The following DPP10 variants were observed in gnomAD, a reference collection of about 807,000 sequenced individuals.
The protein encoded by DPP10 is dipeptidyl peptidase like 10.
In DPP10, 33 loss-of-function variants were observed where a neutral mutation model predicts 120.9. The observed-to-expected ratio is 0.27, with a 90% CI of 0.21 to 0.37. DPP10 has a LOEUF of 0.37. Among genes scored for constraint, DPP10 ranks in the 10% least tolerant of loss-of-function variants. DPP10 has a pLI of 1.00. For synonymous variants in DPP10, 337 were observed against 326.1 expected (o/e 1.03, Z -0.36); for missense variants, 816 against 942.8 (o/e 0.87, Z 1.76).
intron 1 of DPP10, among the ~76,000 whole-genome samples, chr2:114,890,578 A>T (rs1692460641): frequency 6.6e-6 from 1 of 152,198 alleles, no homozygotes; most frequent in Non-Finnish European, 1.5e-5. Context: ...AATAGACTAG[A>T]ATTAGGCCAA....
At chr2:114,501,870 T>A (rs568413965) in intron 1 of DPP10, among the ~76,000 whole-genome samples, 181 of 151,890 alleles carry the variant, frequency 1.2e-3, no homozygotes, top group African/African-American at 4.2e-3. Flanking sequence ...TGTCTTTCCA[T>A]CTGGTCAAAC....
intron 5 of DPP10, among the ~76,000 whole-genome samples, chr2:115,620,557 A>G (rs2084868922): frequency 6.6e-6 from 1 of 152,198 alleles, no homozygotes; most frequent in South Asian, 2.1e-4. Context: ...ATTCTTACAA[A>G]TCTCTACTAA....
chr2:115,403,790 G>A (rs1483694727), intron 3 of DPP10, among the ~76,000 whole-genome samples: 3 of 152,060 alleles, frequency 2.0e-5, no homozygotes, highest in Non-Finnish European at 4.4e-5. Flanking sequence ...TAATAGGAGA[G>A]AAAAAAGTGA....
At chr2:115,354,620 G>A (rs2064249119) in intron 3 of DPP10, among the ~76,000 whole-genome samples, 1 of 150,190 alleles carries the variant, frequency 6.7e-6, no homozygotes, top group South Asian at 2.1e-4. Context: ...TGTGCAGAAC[G>A]TGCAGGTTTG....
chr2:115,479,845 A>G (rs2105257338), intron 3 of DPP10, among the ~76,000 whole-genome samples: 1 of 152,222 alleles, frequency 6.6e-6, no homozygotes, highest in African/African-American at 2.4e-5. Context: ...TTGTGCTGCT[A>G]CCATGGTTTC....
Position 115,711,616 on chromosome 2 carries a change from T to C in DPP10, c.577-16200T>C, listed in dbSNP as rs143611599. Among the ~76,000 whole-genome samples the C allele has an allele frequency of 1.6e-3, 240 of 152,148 alleles. 2 individuals carry two copies. Among genetic ancestry groups the C allele is most frequent in the African/African-American group, 5.2e-3 (214 of 41,514 alleles). ...ATGAAAAAGATGCACAGTTGGTAAATAATATGAATAAGAGTGATTTTTGTG... is the reference window on the plus strand; with the variant it reads ...ATGAAAAAGATGCACAGTTGGTAAACAATATGAATAAGAGTGATTTTTGTG... On this transcript the variant is annotated intron_variant, in intron 7 of 25. Transcript: ENST00000410059.
intron 1 of DPP10, among the ~76,000 whole-genome samples, chr2:115,294,435 T>C (rs2060794369): frequency 6.8e-6 from 1 of 146,010 alleles, no homozygotes; most frequent in Admixed American, 6.7e-5. Flanking sequence ...TTTGTTTTTG[T>C]TTTTTTTTGG....
intron 5 of DPP10, among the ~76,000 whole-genome samples, chr2:115,643,142 AT>A (rs1239790878): frequency 6.6e-6 from 1 of 152,030 alleles, no homozygotes; most frequent in Admixed American, 6.6e-5. Flanking sequence ...AAAAAAAAAA[AT>A]GCGTAAGAAG....
intron 1 of DPP10, among the ~76,000 whole-genome samples, chr2:114,755,853 C>T (rs1292854498): frequency 1.3e-5 from 2 of 149,390 alleles, no homozygotes; most frequent in South Asian, 2.1e-4. Context: ...TTTTGCATAT[C>T]TTTATTTTTC....
At chr2:115,836,619 A>G (rs1190403506) in intron 23 of DPP10, 54 bp downstream of exon 23, 2 of 1,608,534 alleles carry the variant, frequency 1.2e-6, no homozygotes, top group Non-Finnish European at 1.7e-6. Flanking sequence ...CTAAAAAATT[A>G]GTTAAATGGC....
intron 1 of DPP10, among the ~76,000 whole-genome samples, chr2:114,926,740 A>G (rs1313505938): frequency 6.6e-6 from 1 of 152,208 alleles, no homozygotes; most frequent in African/African-American, 2.4e-5. Flanking sequence ...ACCCTTGAAC[A>G]GCCAGGTCAA....
chr2:115,118,575 T>C (rs2049651040), intron 1 of DPP10, among the ~76,000 whole-genome samples: 1 of 152,124 alleles, frequency 6.6e-6, no homozygotes, highest in Admixed American at 6.6e-5. Flanking sequence ...TTTTTTGTTT[T>C]GTTTTTTGTT....
chr2:115,379,954 T>A (rs374691077), intron 3 of DPP10, among the ~76,000 whole-genome samples: 68 of 152,254 alleles, frequency 4.5e-4, no homozygotes, highest in African/African-American at 1.5e-3. Context: ...ACATTTGCTG[T>A]GGAGAGCTTT....
chr2:115,320,121 T>C (rs188516171), intron 2 of DPP10, among the ~76,000 whole-genome samples: 32 of 152,332 alleles, frequency 2.1e-4, no homozygotes, highest in Admixed American at 2.0e-3. Flanking sequence ...CATTTTTCAA[T>C]ATATAGTATC....
chr2:114,477,827 G>GTA (rs1402430699), intron 1 of DPP10, among the ~76,000 whole-genome samples: 91 of 88,514 alleles, frequency 1.0e-3, no homozygotes, highest in Middle Eastern at 6.8e-3. Flanking sequence ...GTGTATATAT[G>GTA]TATGTACATA....
At chr2:114,615,479 C>T (rs1465166080) in intron 1 of DPP10, among the ~76,000 whole-genome samples, 2 of 152,094 alleles carry the variant, frequency 1.3e-5, no homozygotes, top group Non-Finnish European at 2.9e-5. Flanking sequence ...GACAAAAGAT[C>T]TAGTGCTTAG....
At chr2:115,453,953 ATGT>A (rs1254969087) in intron 3 of DPP10, among the ~76,000 whole-genome samples, 5 of 151,438 alleles carry the variant, frequency 3.3e-5, no homozygotes, top group Non-Finnish European at 5.9e-5. Context: ...TATTATAAAA[ATGT>A]TATTATAATA....
intron 5 of DPP10, among the ~76,000 whole-genome samples, chr2:115,646,333 TG>T (rs1171429065): frequency 6.6e-6 from 1 of 152,082 alleles, no homozygotes; most frequent in Non-Finnish European, 1.5e-5. Flanking sequence ...ATCATTACAG[TG>T]GGGCTATTAG....
intron 1 of DPP10, among the ~76,000 whole-genome samples, chr2:114,979,292 A>T (rs1699943185): frequency 6.6e-6 from 1 of 152,128 alleles, no homozygotes; most frequent in South Asian, 2.1e-4. Flanking sequence ...AATTAAAATA[A>T]ATTTAAAAAT....
Sources: gnomAD v4.1 joint callset for allele counts (sites outside exome capture counted in the v4.1 genomes callset) on GRCh38, gnomAD v4.1.1 for gene constraint, MANE v1.5 for transcripts, NCBI Gene and HGNC (gene_info 2026-07-23, HGNC 2026-07-21) for gene names.